LRRC53: variants seen among roughly 807,000 people sequenced by gnomAD.
The protein encoded by LRRC53 is leucine-rich repeat-containing protein 53.
A neutral mutation model predicts 13.6 loss-of-function variants in LRRC53; 25 were observed. The ratio of observed to expected loss-of-function variants is 1.83; its 90% confidence interval spans 1.34 to 2.56. The LOEUF is 2.56. Ranked by LOEUF, LRRC53 falls within the 30% of genes most tolerant of loss-of-function variation. The probability of loss-of-function intolerance (pLI) is 0.00; values close to 1 mark genes in which losing one functional copy is unlikely to be tolerated. For synonymous variants in LRRC53, 204 were observed against 109.8 expected, an observed-to-expected ratio of 1.86 and a Z score of -5.37; for missense variants, 527 against 275.8, an observed-to-expected ratio of 1.91 and a Z score of -6.45.
chr1:74,480,544 G>A lies in LRRC53; in HGVS notation c.513C>T (p.Tyr171=). Residue 171 remains tyrosine (Y), a synonymous_variant, in exon 3 of 5, where the codon TAC becomes TAT. Transcript: ENST00000294635. ...YLDLSNNFIS[Y]IGKDAFRPLP... The stretch of plus-strand genomic sequence containing the variant: ...GGGGCCGGAAGGCATCTTTCCCAAT[G>A]TAGGAAATAAAATTGTTGGATAAAT... 1 of 717,420 alleles carries A rather than the reference G, an allele frequency of 1.4e-6. No individual in the cohort carries two copies. The highest frequency in any genetic ancestry group is 2.6e-6 in the Non-Finnish European group (1 of 385,092). The allele number at this position is 717,420 out of a possible 1,614,324, so 44.4% of individuals were successfully genotyped here. A position where few individuals can be genotyped will look rare whatever the true frequency, so the allele number is the denominator to read the frequency against.
rs45622634 is a variant in LRRC53, at chr1:74,475,598, T to C, written c.1117A>G (p.Arg373Gly). The C allele has an allele frequency of 3.0e-4, 217 of 717,382 alleles. 1 individual carries two copies. In the African/African-American group the frequency reaches 3.4e-3, roughly 11 times the overall value. The allele number at this position is 717,382 out of a possible 1,614,324, so 44.4% of individuals were successfully genotyped here. A position where few individuals can be genotyped will look rare whatever the true frequency, so the allele number is the denominator to read the frequency against. ...TCCTGTAAAAGTGGCATTTCTTTTC[T>C]GGACCCCACAGTGGACATGACCTTT... is the stretch of plus-strand genomic sequence containing the variant. ...EIKVMSTVGS[R>G]KEMPLLQENS... is the part of the protein sequence containing the mutation. The change falls in exon 4 of 5, where the codon AGA becomes GGA. Residue 373 changes from arginine (R) to glycine (G), a missense_variant. Coordinates refer to ENST00000294635, the MANE Select transcript of LRRC53 (RefSeq NM_001382280.1).
intron 1 of LRRC53, among the ~76,000 whole-genome samples, chr1:74,487,024 G>C (rs141269437): frequency 6.6e-6 from 1 of 152,128 alleles, no homozygotes. Flanking sequence ...GGGAGAAGGG[G>C]AATTAGAGAC....
At chr1:74,500,381 C>T (rs1669550326) in intron 1 of LRRC53, among the ~76,000 whole-genome samples, 1 of 151,504 alleles carries the variant, frequency 6.6e-6, no homozygotes, top group Admixed American at 6.6e-5. Context: ...GCGGGCGGAT[C>T]ACGAGGTCAG....
chr1:74,480,040 T>C, intron 3 of LRRC53, 113 bp downstream of exon 3: 1 of 612,102 alleles, frequency 1.6e-6, no homozygotes, highest in South Asian at 2.0e-5. Flanking sequence ...ACTGGCAACC[T>C]CTCCTTTCCA....
chr1:74,498,403 A>G (rs1669443817), intron 1 of LRRC53, among the ~76,000 whole-genome samples: 3 of 152,184 alleles, frequency 2.0e-5, no homozygotes, highest in Admixed American at 2.0e-4. Flanking sequence ...GTTATAATTC[A>G]TGTTATTTTT....
chr1:74,489,224 A>G lies in LRRC53; in HGVS notation c.-26-5849T>C, dbSNP rs772679355. The stretch of plus-strand genomic sequence containing the variant: ...AATTTTCTGAAGTTGTCATGAAGTT[A>G]GAAGAGTGTCTCTGCAACATTGAGG... On this transcript the variant is annotated intron_variant, in intron 1 of 4. Transcript: ENST00000294635. 2 of 1,612,278 alleles carry G rather than the reference A, an allele frequency of 1.2e-6. No individual in the cohort carries two copies. Among genetic ancestry groups the G allele is most frequent in the Non-Finnish European group, 1.7e-6 (2 of 1,179,226 alleles).
intron 1 of LRRC53, among the ~76,000 whole-genome samples, chr1:74,484,776 C>A (rs1354681226): frequency 6.6e-6 from 1 of 151,984 alleles, no homozygotes; most frequent in Non-Finnish European, 1.5e-5. Context: ...AAAGACATAG[C>A]GTTTTAACCC....
At chr1:74,533,590 C>A in the LRRC53 span, among the ~76,000 whole-genome samples, 8 of 152,130 alleles carry the variant, frequency 5.3e-5, no homozygotes, top group Non-Finnish European at 1.0e-4. Context: ...ATAAATCATG[C>A]TGCTATAAAG....
chr1:74,472,368 C>G (rs1667978508), intron 4 of LRRC53, among the ~76,000 whole-genome samples, 167 bp from the exon 5 acceptor site: 2 of 152,106 alleles, frequency 1.3e-5, no homozygotes. Flanking sequence ...ATTTGTCAGT[C>G]CCATATGTTT....
intron 1 of LRRC53, among the ~76,000 whole-genome samples, chr1:74,497,825 T>G (rs1485208467): frequency 1.3e-5 from 2 of 152,192 alleles, no homozygotes; most frequent in African/African-American, 4.8e-5. Context: ...CCATTGCTTC[T>G]AAAATTAAGT....
chr1:74,474,381 G>A (rs1431036083), intron 4 of LRRC53, among the ~76,000 whole-genome samples: 3 of 152,050 alleles, frequency 2.0e-5, no homozygotes, highest in Non-Finnish European at 2.9e-5. Flanking sequence ...CTGGAGTGTG[G>A]GAATGCAATG....
chr1:74,515,582 G>A (rs79960968), upstream of LRRC53, among the ~76,000 whole-genome samples: 2 of 152,148 alleles, frequency 1.3e-5, no homozygotes, highest in African/African-American at 4.8e-5. Flanking sequence ...GTCAGGAAGA[G>A]ATTGCAAGTA....
upstream of LRRC53, among the ~76,000 whole-genome samples, chr1:74,512,765 C>T (rs759098287): frequency 8.5e-5 from 13 of 152,172 alleles, no homozygotes; most frequent in South Asian, 2.1e-4. Context: ...CTACCACTGA[C>T]GGGTTGCTAT....
intron 1 of LRRC53, among the ~76,000 whole-genome samples, chr1:74,496,419 G>A (rs1422296975): frequency 6.6e-6 from 1 of 152,086 alleles, no homozygotes; most frequent in Non-Finnish European, 1.5e-5. Context: ...ATAGCATTAT[G>A]ATTTTGAAAA....
rs995829660 is a variant in LRRC53 at position 74,488,379 on chromosome 1, A to G, written c.-26-5004T>C. On this transcript the variant is annotated intron_variant, in intron 1 of 4. Transcript: ENST00000294635. ...TAGATAGTAAGGGAGAAATTGTTCT[A>G]CTAAGAATCTAAATTATTTGGTTAC... Among the ~76,000 whole-genome samples, 6 of 152,298 alleles carry G rather than the reference A, an allele frequency of 3.9e-5. No individual in the cohort carries two copies. The East Asian group carries it at 9.7e-4, about 25-fold the overall frequency.
At chr1:74,472,550 C>T (rs1012339281) in intron 4 of LRRC53, among the ~76,000 whole-genome samples, 5 of 151,942 alleles carry the variant, frequency 3.3e-5, no homozygotes, top group Non-Finnish European at 7.4e-5. Flanking sequence ...GTAATTTTTT[C>T]CTGAATTCAT....
At chr1:74,506,723 C>A (rs1006399927) in intron 1 of LRRC53, among the ~76,000 whole-genome samples, 1 of 152,156 alleles carries the variant, frequency 6.6e-6, no homozygotes. Context: ...TATACAGTAA[C>A]CAATCTCTGG....
At chr1:74,473,620 G>T (rs1180371049) in intron 4 of LRRC53, among the ~76,000 whole-genome samples, 2 of 151,816 alleles carry the variant, frequency 1.3e-5, no homozygotes, top group Non-Finnish European at 2.9e-5. Context: ...GCTCCTAAGG[G>T]TGGGGATACT....
chr1:74,473,611 C>T (rs1475542815), intron 4 of LRRC53, among the ~76,000 whole-genome samples: 1 of 151,764 alleles, frequency 6.6e-6, no homozygotes, highest in African/African-American at 2.4e-5. Context: ...GTACTCTCAG[C>T]TCCTAAGGGT....
Sources: allele counts gnomAD v4.1 joint callset (sites outside exome capture counted in the v4.1 genomes callset), GRCh38; gene constraint gnomAD v4.1.1; transcripts MANE v1.5; gene names NCBI Gene and HGNC (gene_info 2026-07-23, HGNC 2026-07-21).